RIMS3: variants seen among roughly 807,000 people sequenced by gnomAD.
RIMS3 encodes regulating synaptic membrane exocytosis 3.
Under a neutral mutation model 29.2 loss-of-function variants are expected in RIMS3, and 15 were observed. That is an observed-to-expected ratio of 0.51 (90% CI 0.34 to 0.79). The LOEUF (loss-of-function observed/expected upper bound fraction) is 0.79, where lower values mean the gene tolerates loss of function less well. Ranked by LOEUF, RIMS3 falls within the 30% of genes least tolerant of loss-of-function variation. The probability of loss-of-function intolerance (pLI) is 0.01; values close to 1 mark genes in which losing one functional copy is unlikely to be tolerated. For missense variants in RIMS3, 342 were observed against 421.4 expected, an observed-to-expected ratio of 0.81 and a Z score of 1.65; for synonymous variants, 161 against 170.1, an observed-to-expected ratio of 0.95 and a Z score of 0.41.
intron 1 of RIMS3, among the ~76,000 whole-genome samples, chr1:40,664,786 TGA>T (rs1642401135): frequency 6.6e-6 from 1 of 152,068 alleles, no homozygotes; most frequent in African/African-American, 2.4e-5. Flanking sequence ...TCCCTATGAA[TGA>T]GAGCATGCCC....
chr1:40,632,976 T>C, intron 5 of RIMS3, 93 bp downstream of exon 5: 1 of 943,678 alleles, frequency 1.1e-6, no homozygotes, highest in Non-Finnish European at 1.8e-6. Flanking sequence ...TAGAATAAAC[T>C]CTACGATGGC....
chr1:40,630,205 A>C (rs1646480458), intron 5 of RIMS3, among the ~76,000 whole-genome samples: 1 of 152,104 alleles, frequency 6.6e-6, no homozygotes, highest in Admixed American at 6.5e-5. Context: ...CAGTGGAGGG[A>C]GGGAAGGCCA....
At position 40,635,809 on chromosome 1, in the gene RIMS3, C is replaced by A; in HGVS notation, c.359+107G>T. The A allele has an allele frequency of 6.9e-7, 1 of 1,450,764 alleles. No homozygotes were observed. The highest frequency in any genetic ancestry group is 9.4e-7 in the Non-Finnish European group (1 of 1,061,218). The allele number at this position is 1,450,764 out of a possible 1,614,324, so 89.9% of individuals were successfully genotyped here. A position where few individuals can be genotyped will look rare whatever the true frequency, so the allele number is the denominator to read the frequency against. ...AAGGCAGAGACACAGAGGACCCAGA[C>A]ATTTTAGCTGGAAACAAAACAGGGA... On this transcript the variant is annotated intron_variant, in intron 4 of 7. Coordinates refer to ENST00000372684, the MANE Select transcript of RIMS3 (RefSeq NM_014747.3). This position sits in a 1 kb window ranked among gnomAD's most constrained non-coding sequence, Gnocchi z 4.1.
rs144339381 is a variant in RIMS3 at position 40,643,892 on chromosome 1, TC to T, written c.-31-1937del. 3.5e-3 allele frequency among the ~76,000 whole-genome samples: 532 copies of T among 152,186 alleles called. 3 individuals are homozygous for T. Among genetic ancestry groups the T allele is most frequent in the African/African-American group, 0.012 (499 of 41,520 alleles). ...TGCTAGGAGCTTCCCTAGCATCCGC[TC>T]CCCCTTTCTGCTTCCTCACAGAGGG... is the stretch of plus-strand genomic sequence containing the variant. On this transcript the variant is annotated intron_variant, in intron 2 of 7. Transcript: ENST00000372684.
At chr1:40,644,366 A>T (rs1408938496) in intron 2 of RIMS3, among the ~76,000 whole-genome samples, 2 of 152,142 alleles carry the variant, frequency 1.3e-5, no homozygotes, top group African/African-American at 4.8e-5. Flanking sequence ...AAATATAGAC[A>T]TTTACTCTCC....
chr1:40,629,050 T>C, intron 6 of RIMS3, 101 bp from the exon 7 acceptor site: 2 of 1,482,190 alleles, frequency 1.3e-6, no homozygotes, highest in East Asian at 4.5e-5. Context: ...GAGCAGGATG[T>C]GTGGAATGAG....
chr1:40,643,289 G>A (rs574303402), intron 2 of RIMS3, among the ~76,000 whole-genome samples: 1 of 151,986 alleles, frequency 6.6e-6, no homozygotes, highest in East Asian at 1.9e-4. Context: ...CCGCCACCAA[G>A]CCTGGCTAAT....
chr1:40,664,470 C>A (rs1031664393), intron 1 of RIMS3, among the ~76,000 whole-genome samples: 1 of 152,162 alleles, frequency 6.6e-6, no homozygotes, highest in Non-Finnish European at 1.5e-5. Flanking sequence ...GGATAGAGGA[C>A]AGGACCAAAG....
intron 3 of RIMS3, among the ~76,000 whole-genome samples, chr1:40,641,366 G>A (rs1468250992): frequency 2.6e-5 from 4 of 152,176 alleles, no homozygotes; most frequent in Non-Finnish European, 5.9e-5. Context: ...AGTAATTACT[G>A]GTTAATGTCT....
chr1:40,653,661 T>C (rs574373089), intron 1 of RIMS3, among the ~76,000 whole-genome samples: 1 of 152,218 alleles, frequency 6.6e-6, no homozygotes, highest in Admixed American at 6.5e-5. Context: ...GGAAGGACAA[T>C]TTCCACACAT....
chr1:40,681,109 C>G, the RIMS3 span, among the ~76,000 whole-genome samples: 31,810 of 152,138 alleles, frequency 0.21, 3,383 homozygotes, highest in African/African-American at 0.23. Flanking sequence ...ATTTCATTTA[C>G]TCACTTGCTC....
the RIMS3 span, among the ~76,000 whole-genome samples, chr1:40,676,185 T>C: frequency 3.9e-5 from 6 of 152,190 alleles, no homozygotes; most frequent in Non-Finnish European, 1.5e-5. Flanking sequence ...TTGGGTGGGC[T>C]TCTGCAGCCC....
chr1:40,658,432 A>G (rs1448083250), intron 1 of RIMS3, among the ~76,000 whole-genome samples: 6 of 152,188 alleles, frequency 3.9e-5, no homozygotes, highest in South Asian at 2.1e-4. Context: ...CTGCACCCAC[A>G]TCGGCACTCT....
the RIMS3 span, among the ~76,000 whole-genome samples, chr1:40,683,349 CT>C: frequency 6.6e-6 from 1 of 152,234 alleles, no homozygotes; most frequent in Non-Finnish European, 1.5e-5. Context: ...CACGAGGGCT[CT>C]GCCCTCATAA....
chr1:40,640,193 C>G (rs1031297966), intron 3 of RIMS3, among the ~76,000 whole-genome samples: 1 of 152,116 alleles, frequency 6.6e-6, no homozygotes, highest in East Asian at 1.9e-4. Context: ...TAATCTTAAT[C>G]TCACTCCTTA....
chr1:40,689,064 C>T, the RIMS3 span, among the ~76,000 whole-genome samples: 3 of 152,146 alleles, frequency 2.0e-5, no homozygotes, highest in South Asian at 2.1e-4. Flanking sequence ...GCAGTAACAA[C>T]GAAAACAATC....
the RIMS3 span, among the ~76,000 whole-genome samples, chr1:40,688,895 T>C: frequency 6.6e-6 from 1 of 152,226 alleles, no homozygotes; most frequent in Non-Finnish European, 1.5e-5. Context: ...GTTCCATTTA[T>C]TAAATTACAA....
chr1:40,689,585 A>T, the RIMS3 span, among the ~76,000 whole-genome samples: 1 of 152,076 alleles, frequency 6.6e-6, no homozygotes, highest in East Asian at 1.9e-4. Flanking sequence ...CGGCCGGTTC[A>T]TGCCATTTCT....
chr1:40,668,953 A>G (rs774540672), upstream of RIMS3: 13 of 152,192 alleles, frequency 8.5e-5, no homozygotes, highest in Non-Finnish European at 1.9e-4. Context: ...GCCAGCGCCC[A>G]CATGTTTAGG....
Sources: allele counts gnomAD v4.1 joint callset (sites outside exome capture counted in the v4.1 genomes callset), GRCh38; gene constraint gnomAD v4.1.1; non-coding constraint Gnocchi (gnomAD v3.1); transcripts MANE v1.5; gene names NCBI Gene and HGNC (gene_info 2026-07-23, HGNC 2026-07-21).